Variants in AQP9 observed in about 807,000 individuals in gnomAD.
AQP9 encodes the protein aquaporin-9.
Under a neutral mutation model 23.8 loss-of-function variants are expected in AQP9, and 19 were observed. The observed-to-expected ratio is 0.80, with a 90% CI of 0.56 to 1.17. AQP9 has a LOEUF of 1.17. Among genes scored for constraint, AQP9 ranks in the 50% most tolerant of loss-of-function variants. The probability of loss-of-function intolerance (pLI) is 0.00; values close to 1 mark genes in which losing one functional copy is unlikely to be tolerated. For missense variants in AQP9, 413 were observed against 362.0 expected (o/e 1.14, Z -1.14); for synonymous variants, 153 against 131.5 (o/e 1.16, Z -1.12).
At chr15:58,173,352 A>G (rs114169663) in intron 3 of AQP9, 147 bp downstream of exon 3, 560 of 1,186,158 alleles carry the variant, frequency 4.7e-4, no homozygotes, top group Non-Finnish European at 4.9e-4. Flanking sequence ...AAATGAGGCC[A>G]TATTACCATT....
chr15:58,180,948 G>A (rs1898874087), intron 5 of AQP9, among the ~76,000 whole-genome samples: 1 of 152,168 alleles, frequency 6.6e-6, no homozygotes, highest in South Asian at 2.1e-4. Flanking sequence ...AAAAACATAT[G>A]TCCTAAGGAT....
chr15:58,148,567 G>C (rs188355088), intron 1 of AQP9, among the ~76,000 whole-genome samples: 49 of 152,278 alleles, frequency 3.2e-4, no homozygotes, highest in Non-Finnish European at 5.9e-5. Context: ...ACTGTCCTCA[G>C]CAACCCCCAC....
At chr15:58,162,287 G>A (rs1016049928) in intron 1 of AQP9, among the ~76,000 whole-genome samples, 17 of 152,336 alleles carry the variant, frequency 1.1e-4, no homozygotes, top group South Asian at 4.1e-4. Flanking sequence ...GTGTCCAAAC[G>A]AAGAGAGAAC....
chr15:58,185,697 G>A lies in AQP9; in HGVS notation c.*1562G>A, dbSNP rs1899015306. The A allele has an allele frequency of 6.6e-6, 1 of 152,136 alleles. No homozygotes were observed. The highest frequency in any genetic ancestry group is 6.5e-5 in the Admixed American group (1 of 15,278). 9.4% of individuals were successfully genotyped at this position (152,136 alleles called of 1,614,324 possible). On this transcript the variant is annotated 3_prime_UTR_variant, in exon 6 of 6. Coordinates refer to ENST00000219919, the MANE Select transcript of AQP9 (RefSeq NM_020980.5). ...CACCAGGGGATGCTCTACATCAAGG[G>A]ATGCACCTTCAGTCAAACTGTCAAA...
At chr15:58,143,359 C>T (rs1040735225) in intron 1 of AQP9, among the ~76,000 whole-genome samples, 9 of 152,162 alleles carry the variant, frequency 5.9e-5, no homozygotes, top group Admixed American at 2.0e-4. Flanking sequence ...AGGAGGTTAA[C>T]ACTAAGCATA....
Position 58,184,041 on chromosome 15 carries a change from T to C in AQP9, c.794T>C (p.Val265Ala), listed in dbSNP as rs374284559. 2.5e-6 allele frequency: 4 copies of C among 1,614,038 alleles called. No individual in the cohort carries two copies. Among genetic ancestry groups the C allele is most frequent in the Non-Finnish European group, 3.4e-6 (4 of 1,180,004 alleles). ...AVIGGLIYVLVIEIHHPEPDS... is the reference protein window; with the variant it reads ...AVIGGLIYVLAIEIHHPEPDS... ...ATTGGAGGCCTCATCTATGTTCTTG[T>C]CATTGAAATCCACCATCCAGAGCCT... is the stretch of plus-strand genomic sequence containing the variant. The change falls in exon 6 of 6, where the codon GTC (valine) becomes GCC (alanine). Residue 265 changes from valine (V) to alanine (A), a missense_variant. Physicochemically the swap from Val to Ala is moderately conservative, Grantham distance 64. Coordinates refer to ENST00000219919, the MANE Select transcript of AQP9 (RefSeq NM_020980.5).
chr15:58,145,746 T>C (rs1297209102), intron 1 of AQP9, among the ~76,000 whole-genome samples: 3 of 152,218 alleles, frequency 2.0e-5, no homozygotes, highest in African/African-American at 7.2e-5. Flanking sequence ...CATTACTGCA[T>C]ACACCCACTA....
At chr15:58,153,654 T>C (rs1416053997) in intron 1 of AQP9, 1 of 152,168 alleles carries the variant, frequency 6.6e-6, no homozygotes, top group African/African-American at 2.4e-5. Context: ...ACAAGACATC[T>C]GAAAAATAGG....
chr15:58,152,549 A>G (rs1898171515), intron 1 of AQP9: 1 of 152,196 alleles, frequency 6.6e-6, no homozygotes, highest in African/African-American at 2.4e-5. Flanking sequence ...TGTGGATCTA[A>G]TAACAGAAGT....
intron 2 of AQP9, among the ~76,000 whole-genome samples, chr15:58,171,295 G>C (rs1898615868): frequency 6.6e-6 from 1 of 151,966 alleles, no homozygotes; most frequent in African/African-American, 2.4e-5. Context: ...CACCATGTTG[G>C]GCAGGCTGGT....
chr15:58,175,543 C>G (rs2280198), intron 4 of AQP9, among the ~76,000 whole-genome samples: 62,856 of 152,044 alleles, frequency 0.41, 13,423 homozygotes, highest in Non-Finnish European at 0.45. Flanking sequence ...CTTCTAGCAC[C>G]CAAGCATACT....
chr15:58,158,897 T>A (rs1357754483), intron 1 of AQP9, among the ~76,000 whole-genome samples: 1 of 152,186 alleles, frequency 6.6e-6, no homozygotes, highest in African/African-American at 2.4e-5. Context: ...CACTACGGAA[T>A]TCCTAAACTT....
rs577210271 is a variant in AQP9 at position 58,163,358 on chromosome 15, G to A, written c.112-3315G>A. Among the ~76,000 whole-genome samples, 26 of 152,294 alleles carry A rather than the reference G, an allele frequency of 1.7e-4. No homozygotes were observed. In the East Asian group the frequency reaches 2.5e-3, roughly 15 times the overall value. On this transcript the variant is annotated intron_variant, in intron 1 of 5. Coordinates refer to ENST00000219919, the MANE Select transcript of AQP9 (RefSeq NM_020980.5). ...CTGTAGGCCTGCAGAGGAGGAGTGC[G>A]TGGTGGACTTCAGAAGCAGAACACC...
intron 5 of AQP9, 27 bp from the exon 6 acceptor site, chr15:58,183,934 T>C (rs748406491): frequency 6.2e-7 from 1 of 1,611,110 alleles, no homozygotes; most frequent in East Asian, 2.2e-5. Flanking sequence ...CCAAGAAATG[T>C]ATCACTAATT....
At chr15:58,147,972 T>C (rs1159079104) in intron 1 of AQP9, among the ~76,000 whole-genome samples, 1 of 152,090 alleles carries the variant, frequency 6.6e-6, no homozygotes, top group Non-Finnish European at 1.5e-5. Context: ...AGTATTGATA[T>C]TAGTTACCTG....
Position 58,179,110 on chromosome 15 carries a change from C to T in AQP9, c.496-18C>T, listed in dbSNP as rs1238412101. 1 of 1,571,908 alleles carries T rather than the reference C, an allele frequency of 6.4e-7. No homozygotes were observed. The highest frequency in any genetic ancestry group is 1.4e-5 in the African/African-American group (1 of 74,006). On this transcript the variant is annotated intron_variant, in intron 4 of 5. Transcript: ENST00000219919. The stretch of plus-strand genomic sequence containing the variant: ...CAGAATGCAGGCTAAAGCCCTGGCT[C>T]AACTTCTCCCTCTCCAGGTGGTGGC...
intron 1 of AQP9, among the ~76,000 whole-genome samples, chr15:58,166,343 T>C (rs1171982844): frequency 3.9e-5 from 6 of 152,202 alleles, no homozygotes; most frequent in African/African-American, 1.4e-4. Flanking sequence ...TTACAATACA[T>C]GTGGGTCTAT....
At chr15:58,166,293 C>T (rs1898501304) in intron 1 of AQP9, among the ~76,000 whole-genome samples, 1 of 152,170 alleles carries the variant, frequency 6.6e-6, no homozygotes, top group South Asian at 2.1e-4. Context: ...TAAAAGGAAC[C>T]AGTGGGTAAC....
Position 58,184,214 on chromosome 15 carries a change from A to G in AQP9, c.*79A>G. 1 of 1,475,330 alleles carries G rather than the reference A, an allele frequency of 6.8e-7. No homozygotes were observed. 91.4% of individuals were successfully genotyped at this position (1,475,330 alleles called of 1,614,324 possible). A position where few individuals can be genotyped will look rare whatever the true frequency, so the allele number is the denominator to read the frequency against. ...GGCATCTAAGTGTCTGTGTTCTTGT[A>G]AGCCTGAGGTGGAATCCACCCAGTT... On this transcript the variant is annotated 3_prime_UTR_variant, in exon 6 of 6. Coordinates refer to ENST00000219919, the MANE Select transcript of AQP9 (RefSeq NM_020980.5).
Sources: allele counts gnomAD v4.1 joint callset (sites outside exome capture counted in the v4.1 genomes callset), GRCh38; gene constraint gnomAD v4.1.1; transcripts MANE v1.5; gene names NCBI Gene and HGNC (gene_info 2026-07-23, HGNC 2026-07-21).